Variants in EBI3 observed in about 807,000 individuals in gnomAD.
The protein encoded by EBI3 is Epstein-Barr virus induced 3.
In EBI3, 19 loss-of-function variants were observed where a neutral mutation model predicts 21.3. The observed-to-expected ratio is 0.89, with a 90% CI of 0.62 to 1.31. The LOEUF is 1.31. Ranked by LOEUF, EBI3 falls within the 50% of genes most tolerant of loss-of-function variation. The pLI, the probability that EBI3 is intolerant of heterozygous loss-of-function variation, is 0.00. For missense variants in EBI3, 331 were observed against 314.0 expected (o/e 1.05, Z -0.41); for synonymous variants, 154 against 131.2 (o/e 1.17, Z -1.19).
intron 3 of EBI3, 119 bp from the exon 4 acceptor site, chr19:4,234,548 G>C: frequency 2.0e-6 from 3 of 1,468,756 alleles, no homozygotes; most frequent in Non-Finnish European, 2.7e-6. Flanking sequence ...GGGTGACAGA[G>C]TGAGACTCCG....
At chr19:4,230,625 T>C (rs1453235202) in intron 1 of EBI3, among the ~76,000 whole-genome samples, 1 of 151,990 alleles carries the variant, frequency 6.6e-6, no homozygotes, top group Non-Finnish European at 1.5e-5. Flanking sequence ...GGCTCACGCC[T>C]GTAATTCCAG....
chr19:4,231,228 C>T lies in EBI3; in HGVS notation c.105C>T (p.Cys35=). The change falls in exon 2 of 5, where the codon TGC becomes TGT. Residue 35 remains cysteine (C), a synonymous_variant. Transcript: ENST00000221847. ...CTCTGACACTGCCCCGGGTGCAATGCCGAGCCTCTCGGTACCCGATCGCCG... is the reference window on the plus strand; with the variant it reads ...CTCTGACACTGCCCCGGGTGCAATGTCGAGCCTCTCGGTACCCGATCGCCG... ...PAALTLPRVQ[C]RASRYPIAVD... 1.2e-6 allele frequency: 2 copies of T among 1,610,662 alleles called. No individual in the cohort carries two copies. Among genetic ancestry groups the T allele is most frequent in the East Asian group, 2.2e-5 (1 of 44,580 alleles).
intron 3 of EBI3, among the ~76,000 whole-genome samples, 198 bp downstream of exon 3, chr19:4,233,505 C>A (rs116272588): frequency 4.6e-5 from 7 of 152,168 alleles, no homozygotes; most frequent in African/African-American, 1.7e-4. Context: ...ATCCTGAGCC[C>A]TGGCCTCCAC....
chr19:4,235,346 G>T (rs1361136135), intron 4 of EBI3, among the ~76,000 whole-genome samples: 2 of 151,564 alleles, frequency 1.3e-5, no homozygotes, highest in African/African-American at 4.8e-5. Flanking sequence ...TTGAAACAAG[G>T]TCTAGCTCTG....
At position 4,236,657 on chromosome 19, in the gene EBI3, C is replaced by CTGATGAACAAAGACCCTCCTGGG. The variant is rs1281991614; in HGVS notation, c.538-275_538-253dup. ...GAGGATTATAGGGATCAGGGATGTCCTGATGAACAAAGACCCTCCTGGGTG... is the reference window on the plus strand; with the variant it reads ...GAGGATTATAGGGATCAGGGATGTCCTGATGAACAAAGACCCTCCTGGGTGATGAACAAAGACCCTCCTGGGTG... On this transcript the variant is annotated intron_variant, in intron 4 of 4. Coordinates refer to ENST00000221847, the MANE Select transcript of EBI3 (RefSeq NM_005755.3). Among the ~76,000 whole-genome samples, 7 of 151,984 alleles carry CTGATGAACAAAGACCCTCCTGGG rather than the reference C, an allele frequency of 4.6e-5. No individual in the cohort carries two copies. The East Asian group carries it at 1.2e-3, about 25-fold the overall frequency.
chr19:4,237,136 T>G lies in EBI3; in HGVS notation c.*48T>G, dbSNP rs1970847977. ...GACAGCACCTGGGTCCTCGCCACCC[T>G]AAGCCCCGGGACACCTGTTGGAGGG... is the stretch of plus-strand genomic sequence containing the variant. On this transcript the variant is annotated 3_prime_UTR_variant, in exon 5 of 5. Coordinates refer to ENST00000221847, the MANE Select transcript of EBI3 (RefSeq NM_005755.3). 1.4e-6 allele frequency: 2 copies of G among 1,413,322 alleles called. No individual in the cohort carries two copies. Among genetic ancestry groups the G allele is most frequent in the African/African-American group, 3.0e-5 (2 of 67,634 alleles). The allele number at this position is 1,413,322 out of a possible 1,614,324, so 87.5% of individuals were successfully genotyped here.
chr19:4,230,161 T>A (rs1484921611), intron 1 of EBI3, among the ~76,000 whole-genome samples: 9 of 152,092 alleles, frequency 5.9e-5, no homozygotes, highest in Non-Finnish European at 2.9e-5. Context: ...TGACCTCAGG[T>A]GATCCACCCA....
intron 2 of EBI3, among the ~76,000 whole-genome samples, chr19:4,231,955 G>A (rs148797253): frequency 4.7e-5 from 7 of 149,646 alleles, no homozygotes; most frequent in Non-Finnish European, 1.0e-4. Context: ...GGCCAGGCGC[G>A]GTGGCTCACG....
In EBI3 at chr19:4,229,556, C is replaced by T. The variant is rs1167648353; in HGVS notation, c.6C>T (p.Thr2=). The change falls in exon 1 of 5, where the codon ACC becomes ACT. Residue 2 remains threonine, a synonymous_variant. Transcript: ENST00000221847. The stretch of plus-strand genomic sequence containing the variant: ...GAGCAGAGCTGGCCGCAGCCATGAC[C>T]CCGCAGCTTCTCCTGGCCCTTGTCC... M[T]PQLLLALVLW... The T allele has an allele frequency of 6.2e-7, 1 of 1,611,126 alleles. No individual in the cohort carries two copies.
At chr19:4,232,772 G>T (rs1368042404) in intron 2 of EBI3, among the ~76,000 whole-genome samples, 1 of 128,232 alleles carries the variant, frequency 7.8e-6, no homozygotes, top group Non-Finnish European at 1.6e-5. Flanking sequence ...ATGAAGGAAT[G>T]AATTAATGAA....
At chr19:4,235,016 C>T (rs1007247740) in intron 4 of EBI3, among the ~76,000 whole-genome samples, 192 bp downstream of exon 4, 4 of 152,080 alleles carry the variant, frequency 2.6e-5, no homozygotes, top group Admixed American at 6.6e-5. Flanking sequence ...CACAAGCTGT[C>T]GCACACCCGT....
In EBI3 at chr19:4,237,088, G is replaced by A. The variant is rs780950262; in HGVS notation, c.690G>A (p.Ter230=). The change falls in exon 5 of 5, where the codon TAG becomes TAA. Residue 230 remains the stop codon, a stop_retained_variant. Coordinates refer to ENST00000221847, the MANE Select transcript of EBI3 (RefSeq NM_005755.3). The part of the protein sequence containing the change: ...PATATMSLGK[*] ...CTGCCACAATGAGCCTGGGCAAGTA[G>A]CAAGGGCTTCCCGCTGCCTCCAGAC... The A allele has an allele frequency of 4.0e-5, 61 of 1,515,064 alleles. No homozygotes were observed. The Admixed American group carries it at 1.2e-3, about 29-fold the overall frequency. The allele number at this position is 1,515,064 out of a possible 1,614,324, so 93.9% of individuals were successfully genotyped here.
chr19:4,232,800 T>G (rs565107360), intron 2 of EBI3, among the ~76,000 whole-genome samples: 25 of 49,692 alleles, frequency 5.0e-4, no homozygotes, highest in South Asian at 1.7e-3. Context: ...AGGAATGAAT[T>G]AATGAATGAA....
chr19:4,237,018 A>G lies in EBI3; in HGVS notation c.620A>G (p.Asp207Gly), dbSNP rs1020119298. The G allele has an allele frequency of 2.5e-5, 40 of 1,580,834 alleles. No homozygotes were observed. The highest frequency in any genetic ancestry group is 3.2e-5 in the Non-Finnish European group (37 of 1,161,134). Residue 207 changes from aspartate to glycine, a missense_variant, in exon 5 of 5, where the codon GAC becomes GGC. Asp to Gly is a moderately conservative substitution (Grantham distance 94). Coordinates refer to ENST00000221847, the MANE Select transcript of EBI3 (RefSeq NM_005755.3). ...ARYYVQVAAQ[D>G]LTDYGELSDW... Reference sequence around the variant, plus strand: ...TACTACGTCCAAGTGGCGGCTCAGGACCTCACAGACTACGGGGAACTGAGT... The same window carrying G: ...TACTACGTCCAAGTGGCGGCTCAGGGCCTCACAGACTACGGGGAACTGAGT...
intron 1 of EBI3, among the ~76,000 whole-genome samples, 185 bp downstream of exon 1, chr19:4,229,802 G>A (rs1031905828): frequency 1.3e-5 from 2 of 152,220 alleles, no homozygotes; most frequent in Non-Finnish European, 2.9e-5. Flanking sequence ...ATTGGGGGTG[G>A]AAGGATGTCA....
intron 4 of EBI3, 67 bp from the exon 5 acceptor site, chr19:4,236,869 G>T (rs1970843064): frequency 7.1e-7 from 1 of 1,416,864 alleles, no homozygotes; most frequent in Non-Finnish European, 9.3e-7. Flanking sequence ...TCCGTTGTGT[G>T]GTTCTGTGCA....
intron 3 of EBI3, among the ~76,000 whole-genome samples, chr19:4,233,832 A>T (rs1345543333): frequency 6.6e-6 from 1 of 152,150 alleles, no homozygotes; most frequent in Non-Finnish European, 1.5e-5. Context: ...TGTCCCCATG[A>T]CTTATTCCCT....
chr19:4,236,165 C>T (rs1352937497), intron 4 of EBI3, among the ~76,000 whole-genome samples: 1 of 152,008 alleles, frequency 6.6e-6, no homozygotes, highest in Non-Finnish European at 1.5e-5. Flanking sequence ...AACAGCCTGA[C>T]CAACATGGTG....
In EBI3 at chr19:4,229,560, C is replaced by A. The variant is rs780650134; in HGVS notation, c.10C>A (p.Gln4Lys). Residue 4 changes from glutamine to lysine, a missense_variant, in exon 1 of 5, where the codon CAG (glutamine) becomes AAG (lysine). Transcript: ENST00000221847. ...AGAGCTGGCCGCAGCCATGACCCCG[C>A]AGCTTCTCCTGGCCCTTGTCCTCTG... MTP[Q>K]LLLALVLWAS... is the part of the protein sequence containing the mutation. 3.1e-6 allele frequency: 5 copies of A among 1,611,322 alleles called. No homozygotes were observed. The highest frequency in any genetic ancestry group is 1.3e-5 in the African/African-American group (1 of 75,032).
Sources: gnomAD v4.1 joint callset for allele counts (sites outside exome capture counted in the v4.1 genomes callset) on GRCh38, gnomAD v4.1.1 for gene constraint, MANE v1.5 for transcripts, NCBI Gene and HGNC (gene_info 2026-07-23, HGNC 2026-07-21) for gene names.